GLB1L2: variants seen among roughly 807,000 people sequenced by gnomAD.
GLB1L2 encodes the protein galactosidase beta 1 like 2.
In GLB1L2, 68 loss-of-function variants were observed where a neutral mutation model predicts 84.1. The observed-to-expected ratio is 0.81, with a 90% CI of 0.67 to 0.99. GLB1L2 has a LOEUF of 0.99. GLB1L2 is among the 50% of genes least tolerant of loss of function. The probability of loss-of-function intolerance (pLI) is 0.00; values close to 1 mark genes in which losing one functional copy is unlikely to be tolerated. For missense variants in GLB1L2, 762 were observed against 805.6 expected, an observed-to-expected ratio of 0.95 and a Z score of 0.66; for synonymous variants, 290 against 318.0, an observed-to-expected ratio of 0.91 and a Z score of 0.94.
intron 10 of GLB1L2, among the ~76,000 whole-genome samples, chr11:134,369,014 G>A (rs1421773641): frequency 2.6e-5 from 4 of 152,320 alleles, no homozygotes; most frequent in Middle Eastern, 3.4e-3. Context: ...TTTGGCAAAG[G>A]TTGGCCTGAG....
intron 13 of GLB1L2, 110 bp from the exon 14 acceptor site, chr11:134,371,311 T>G: frequency 8.3e-7 from 1 of 1,198,490 alleles, no homozygotes; most frequent in African/African-American, 1.5e-5. Flanking sequence ...CTCTGCCCAC[T>G]GGCCCCTCGT....
intron 15 of GLB1L2, 134 bp downstream of exon 15, chr11:134,371,964 G>A: frequency 1.3e-6 from 1 of 794,610 alleles, no homozygotes; most frequent in East Asian, 2.6e-5. Flanking sequence ...TCCCATACAT[G>A]AGGCCAGTTC....
chr11:134,365,269 G>A (rs1943853511), intron 8 of GLB1L2, among the ~76,000 whole-genome samples: 1 of 152,252 alleles, frequency 6.6e-6, no homozygotes, highest in South Asian at 2.1e-4. Context: ...GAGTAGGCGA[G>A]GAGGCTCCCA....
chr11:134,343,766 A>T (rs894719274), intron 2 of GLB1L2, among the ~76,000 whole-genome samples: 1 of 152,230 alleles, frequency 6.6e-6, no homozygotes, highest in Non-Finnish European at 1.5e-5. Context: ...ACACTTGCTG[A>T]AAGGCAGAGC....
At chr11:134,361,897 C>T (rs921279991) in intron 7 of GLB1L2, among the ~76,000 whole-genome samples, 5 of 152,164 alleles carry the variant, frequency 3.3e-5, no homozygotes, top group African/African-American at 7.2e-5. Context: ...CGAGCGTTTC[C>T]TGGGTCTTCT....
chr11:134,356,942 C>T (rs1943711046), intron 6 of GLB1L2, among the ~76,000 whole-genome samples: 2 of 152,016 alleles, frequency 1.3e-5, no homozygotes, highest in Admixed American at 1.3e-4. Flanking sequence ...TAGCTGAGAC[C>T]TTGAACAAAT....
intron 1 of GLB1L2, among the ~76,000 whole-genome samples, chr11:134,335,293 CTCTCCTCTGGAG>C (rs1943366978): frequency 6.6e-6 from 1 of 151,736 alleles, no homozygotes; most frequent in African/African-American, 2.4e-5. Context: ...CAAATCATGC[CTCTCCTCTGGAG>C]CTTCTGGGAG....
chr11:134,375,384 T>G lies in GLB1L2; in HGVS notation c.*326T>G. ...TCAGAAAAAGTGCTGAAACGTGCCC[T>G]TGCACTGGACGTCACAGCCCTGCGA... is the stretch of plus-strand genomic sequence containing the variant. On this transcript the variant is annotated 3_prime_UTR_variant, in exon 19 of 19. Transcript: ENST00000535456. 1 of 314,358 alleles carries G rather than the reference T, an allele frequency of 3.2e-6. No individual in the cohort carries two copies. The highest frequency in any genetic ancestry group is 5.2e-5 in the South Asian group (1 of 19,348). 19.5% of individuals were successfully genotyped at this position (314,358 alleles called of 1,614,324 possible).
intron 10 of GLB1L2, 92 bp from the exon 11 acceptor site, chr11:134,369,713 C>G: frequency 1.8e-6 from 2 of 1,086,282 alleles, no homozygotes. Context: ...GAGATGAAGA[C>G]CTGTGGCCCT....
rs982294232 is a variant in GLB1L2 at position 134,338,148 on chromosome 11, G to A, written c.87-4606G>A. Among the ~76,000 whole-genome samples the A allele has an allele frequency of 6.9e-4, 105 of 152,152 alleles. 1 individual carries two copies. The highest frequency in any genetic ancestry group is 2.5e-3 in the African/African-American group (104 of 41,440). ...TTCACGGCACTCCGGATGTTCTGCTGTGCCCGGTTGCATGGATCCTGGCCT... is the reference window on the plus strand; with the variant it reads ...TTCACGGCACTCCGGATGTTCTGCTATGCCCGGTTGCATGGATCCTGGCCT... On this transcript the variant is annotated intron_variant, in intron 1 of 18. Transcript: ENST00000535456. The surrounding 1 kb of genome is among the most constrained non-coding windows in gnomAD (Gnocchi z 6.2).
chr11:134,353,724 A>G (rs185663058), intron 5 of GLB1L2, among the ~76,000 whole-genome samples: 41 of 152,228 alleles, frequency 2.7e-4, no homozygotes, highest in Non-Finnish European at 5.4e-4. Flanking sequence ...TTTGGTGCAT[A>G]TATGTTTATA....
chr11:134,370,397 G>T lies in GLB1L2; in HGVS notation c.1213G>T (p.Glu405Ter). Reference sequence around the variant, plus strand: ...GTGGGACGCCCTCAAGTACCTGGGGGAGGTGAGTGCTGTGGGCAGTCATCG... The same window carrying T: ...GTGGGACGCCCTCAAGTACCTGGGGTAGGTGAGTGCTGTGGGCAGTCATCG... ...SLWDALKYLGEPIKSEKPINM... is the reference protein window; with the variant it reads ...SLWDALKYLG Residue 405 changes from glutamate (E) to a stop codon, truncating the protein, a stop_gained and splice_region_variant, in exon 12 of 19, where the codon GAG becomes TAG. Transcript: ENST00000535456. LOFTEE classifies it high-confidence loss of function. This position sits in a 1 kb window ranked among gnomAD's most constrained non-coding sequence, Gnocchi z 4.7. The T allele has an allele frequency of 6.2e-7, 1 of 1,611,258 alleles. No individual in the cohort carries two copies. Among genetic ancestry groups the T allele is most frequent in the South Asian group, 1.1e-5 (1 of 91,000 alleles).
chr11:134,368,848 A>G, intron 10 of GLB1L2, 67 bp downstream of exon 10: 6 of 1,558,676 alleles, frequency 3.8e-6, no homozygotes, highest in Non-Finnish European at 5.2e-6. Flanking sequence ...CTTGCTATGG[A>G]GAGGCCCTCA....
chr11:134,365,532 C>G (rs1340207438), intron 8 of GLB1L2, among the ~76,000 whole-genome samples: 1 of 152,202 alleles, frequency 6.6e-6, no homozygotes, highest in Non-Finnish European at 1.5e-5. Flanking sequence ...GATGAGAGTA[C>G]ATTTCCTTAT....
In GLB1L2 at chr11:134,338,575, CCA is replaced by C. The variant is rs1332791903; in HGVS notation, c.87-4177_87-4176del. Among the ~76,000 whole-genome samples the C allele has an allele frequency of 1.3e-5, 2 of 152,156 alleles. No individual in the cohort carries two copies. The highest frequency in any genetic ancestry group is 2.9e-5 in the Non-Finnish European group (2 of 68,032). ...GCCCTGTACCCTTCATCCTCAGGAC[CCA>C]CCTCACCAGTCAAGGAAAAATTACT... On this transcript the variant is annotated intron_variant, in intron 1 of 18. Coordinates refer to ENST00000535456, the MANE Select transcript of GLB1L2 (RefSeq NM_001370461.1). The surrounding 1 kb of genome is among the most constrained non-coding windows in gnomAD (Gnocchi z 6.2).
At chr11:134,342,680 C>G in intron 1 of GLB1L2, 74 bp from the exon 2 acceptor site, 1 of 1,440,450 alleles carries the variant, frequency 6.9e-7, no homozygotes, top group Non-Finnish European at 9.5e-7. Flanking sequence ...TGCCGAGGAC[C>G]TGCGAAGGGG....
Position 134,375,011 on chromosome 11 carries a change from C to T in GLB1L2, c.1864C>T (p.Gln622Ter), listed in dbSNP as rs1057167806. The T allele has an allele frequency of 6.2e-7, 1 of 1,613,922 alleles. No homozygotes were observed. Among genetic ancestry groups the T allele is most frequent in the Non-Finnish European group, 8.5e-7 (1 of 1,179,980 alleles). Residue 622 changes from glutamine (Q) to a stop codon, truncating the protein, a stop_gained, in exon 19 of 19, where the codon CAG becomes TAG. Coordinates refer to ENST00000535456, the MANE Select transcript of GLB1L2 (RefSeq NM_001370461.1). LOFTEE classifies it high-confidence loss of function. ...GGAGACGATGGCGGGCCCTGCATTA[C>T]AGTTCACGGAAACCCCCCACCTGGG... is the stretch of plus-strand genomic sequence containing the variant. ...FEETMAGPAL[Q>*]FTETPHLGRN...
rs764980044 is a variant in GLB1L2, at chr11:134,342,794, C to T, written c.127C>T (p.Arg43Ter). The change falls in exon 2 of 19, where the codon CGA becomes TGA. Residue 43 changes from arginine (R) to a stop codon, truncating the protein, a stop_gained. Coordinates refer to ENST00000535456, the MANE Select transcript of GLB1L2 (RefSeq NM_001370461.1). LOFTEE classifies it high-confidence loss of function. The part of the protein sequence containing the change: ...STLVPLRLRH[R>*]QLGLQAKGWN... ...CCTGGTCCCTCTGCGGCTCCGCCATCGACAGCTGGGGCTGCAGGCCAAGGG... is the reference window on the plus strand; with the variant it reads ...CCTGGTCCCTCTGCGGCTCCGCCATTGACAGCTGGGGCTGCAGGCCAAGGG... 1.2e-6 allele frequency: 2 copies of T among 1,614,022 alleles called. No individual in the cohort carries two copies. The highest frequency in any genetic ancestry group is 1.7e-6 in the Non-Finnish European group (2 of 1,180,018).
At chr11:134,348,993 G>A (rs1159446371) in intron 5 of GLB1L2, among the ~76,000 whole-genome samples, 3 of 152,208 alleles carry the variant, frequency 2.0e-5, no homozygotes, top group Non-Finnish European at 4.4e-5. Context: ...TACCGTCACA[G>A]TGGGGGTTAG....
Sources: allele counts gnomAD v4.1 joint callset (sites outside exome capture counted in the v4.1 genomes callset), GRCh38; gene constraint gnomAD v4.1.1; non-coding constraint Gnocchi (gnomAD v3.1); transcripts MANE v1.5; gene names NCBI Gene and HGNC (gene_info 2026-07-23, HGNC 2026-07-21).